The following MGAT4C variants were observed in gnomAD, a reference collection of about 807,000 sequenced individuals.
MGAT4C encodes the protein MGAT4 family member C, also known as alpha-1,3-mannosyl-glycoprotein 4-beta-N-acetylglucosaminyltransferase C.
In MGAT4C, 19 loss-of-function variants were observed where a neutral mutation model predicts 40.1. That is an observed-to-expected ratio of 0.47 (90% CI 0.33 to 0.70). The LOEUF is 0.70. Ranked by LOEUF, MGAT4C falls within the 30% of genes least tolerant of loss-of-function variation. The probability of loss-of-function intolerance (pLI) is 0.02; values close to 1 mark genes in which losing one functional copy is unlikely to be tolerated. For missense variants in MGAT4C, 491 were observed against 563.2 expected (o/e 0.87, Z 1.30); for synonymous variants, 181 against 187.1 (o/e 0.97, Z 0.27).
At chr12:86,256,593 C>G (rs1198179983), upstream of MGAT4C, among the ~76,000 whole-genome samples, 1 of 152,048 alleles carries the variant, frequency 6.6e-6, no homozygotes, top group African/African-American at 2.4e-5. Flanking sequence ...TGGGGGATCA[C>G]AAACTGAAAA....
intron 2 of MGAT4C, among the ~76,000 whole-genome samples, chr12:86,494,387 T>C (rs1396996443): frequency 2.0e-5 from 3 of 152,006 alleles, no homozygotes; most frequent in African/African-American, 4.8e-5. Flanking sequence ...AATAAACTTT[T>C]AGATTTTGTT....
intron 1 of MGAT4C, among the ~76,000 whole-genome samples, chr12:86,127,556 TA>T (rs1025674282): frequency 2.6e-5 from 4 of 152,212 alleles, no homozygotes; most frequent in Non-Finnish European, 5.9e-5. Context: ...ACTTATCTTA[TA>T]AACATTTTAA....
Position 86,801,910 on chromosome 12 carries a change from T to C in MGAT4C, c.-262+36756A>G, listed in dbSNP as rs1446422758. On this transcript the variant is annotated intron_variant, in intron 1 of 7. Transcript: ENST00000548651. Reference sequence around the variant, plus strand: ...AATGGAGTGGCAGATTTTAGTGATTTGCCATGGGAATTTTTTTAAACCTTA... The same window carrying C: ...AATGGAGTGGCAGATTTTAGTGATTCGCCATGGGAATTTTTTTAAACCTTA... Among the ~76,000 whole-genome samples the C allele has an allele frequency of 4.7e-5, 7 of 150,346 alleles. No homozygotes were observed. The Admixed American group carries it at 4.7e-4, about 10-fold the overall frequency.
intron 1 of MGAT4C, among the ~76,000 whole-genome samples, chr12:86,094,365 G>A (rs1873488255): frequency 6.6e-6 from 1 of 152,092 alleles, no homozygotes; most frequent in Non-Finnish European, 1.5e-5. Flanking sequence ...TGGAAAGGAA[G>A]TTGTCATGCA....
chr12:86,138,556 GTATATATTTCCATAGATATATCATA>G (rs1882349470), intron 1 of MGAT4C, among the ~76,000 whole-genome samples: 2 of 142,318 alleles, frequency 1.4e-5, no homozygotes, highest in South Asian at 2.2e-4. Context: ...GATATATCAT[GTATATATTTCCATAGATATATCATA>G]TATATATTTC....
rs527944232 is a variant in MGAT4C at position 86,373,425 on chromosome 12, C to T, written c.-119-39298G>A. ...GAGAGTATAGCAAAGTGAAACTGTC[C>T]AGACAGAATTTATATCATCCTTACA... On this transcript the variant is annotated intron_variant, in intron 3 of 7. Transcript: ENST00000548651. Among the ~76,000 whole-genome samples the T allele has an allele frequency of 2.6e-5, 4 of 151,920 alleles. No homozygotes were observed. In the East Asian group the frequency reaches 7.7e-4, roughly 29 times the overall value.
rs77622095 is a variant in MGAT4C, at chr12:86,007,787, A to G, written c.-6-18235T>C. Among the ~76,000 whole-genome samples the G allele has an allele frequency of 8.6e-3, 1,304 of 152,180 alleles. 7 individuals are homozygous for G. The highest frequency in any genetic ancestry group is 0.012 in the Non-Finnish European group (817 of 67,930). ...GTATTGCTTTTGTGTATTCTAACAA[A>G]CCATTGCCTAATTAGTATCATGGAA... On this transcript the variant is annotated intron_variant, in intron 2 of 4. Transcript: ENST00000611864.
rs983054698 is a variant in MGAT4C at position 85,958,557 on chromosome 12, T to C, written c.*20732A>G. ...ATAAATACATGTGAGGAAACAATTA[T>C]TGATATTTTTAAACTAACTAGAAAG... On this transcript the variant is annotated 3_prime_UTR_variant, in exon 5 of 5. Coordinates refer to ENST00000611864, the MANE Select transcript of MGAT4C (RefSeq NM_001351288.2). 13 of 152,254 alleles carry C rather than the reference T, an allele frequency of 8.5e-5. No individual in the cohort carries two copies. The East Asian group carries it at 2.3e-3, about 27-fold the overall frequency. 9.4% of individuals were successfully genotyped at this position (152,254 alleles called of 1,614,324 possible).
At chr12:86,453,660 C>T (rs1957462970) in intron 2 of MGAT4C, among the ~76,000 whole-genome samples, 1 of 152,090 alleles carries the variant, frequency 6.6e-6, no homozygotes, top group South Asian at 2.1e-4. Context: ...TTCATGTTTG[C>T]CTCTTGTTGA....
intron 2 of MGAT4C, among the ~76,000 whole-genome samples, chr12:86,594,751 G>A (rs1334262744): frequency 6.6e-6 from 1 of 152,154 alleles, no homozygotes; most frequent in East Asian, 1.9e-4. Flanking sequence ...TATGTGACCT[G>A]ACAGCATTTA....
At chr12:86,379,214 A>G (rs1300159161) in intron 3 of MGAT4C, among the ~76,000 whole-genome samples, 1 of 152,110 alleles carries the variant, frequency 6.6e-6, no homozygotes, top group Non-Finnish European at 1.5e-5. Context: ...GTTTAGAACA[A>G]TGCCTAGTTG....
At chr12:86,113,894 A>G (rs1338301292) in intron 1 of MGAT4C, among the ~76,000 whole-genome samples, 2 of 152,092 alleles carry the variant, frequency 1.3e-5, no homozygotes, top group East Asian at 1.9e-4. Flanking sequence ...GAAAAGTCTC[A>G]AAAGACCTAT....
intron 2 of MGAT4C, among the ~76,000 whole-genome samples, chr12:86,456,679 T>TTTTAGC (rs371973094): frequency 6.6e-6 from 1 of 152,138 alleles, no homozygotes; most frequent in African/African-American, 2.4e-5. Flanking sequence ...GCTACTTCTC[T>TTTTAGC]TTAACCCTTT....
chr12:86,322,296 C>A (rs1412986701), intron 4 of MGAT4C, among the ~76,000 whole-genome samples: 1 of 151,182 alleles, frequency 6.6e-6, no homozygotes, highest in African/African-American at 2.4e-5. Context: ...GGGGTGCAGC[C>A]CACCAACATG....
chr12:86,748,135 G>A (rs1951181130), intron 1 of MGAT4C, among the ~76,000 whole-genome samples: 2 of 151,500 alleles, frequency 1.3e-5, no homozygotes, highest in South Asian at 4.2e-4. Flanking sequence ...GCCATGTGTA[G>A]CTCAAAGAAA....
In MGAT4C at chr12:86,304,332, A is replaced by G. The variant is rs1273508202; in HGVS notation, c.-57+29733T>C. ...TGATTTTGTGAAACAAGTTGTTGTT[A>G]TTTTTGGCATTTTTGTGAAAGAGCT... On this transcript the variant is annotated intron_variant, in intron 4 of 7. Coordinates refer to the MGAT4C transcript ENST00000548651. Among the ~76,000 whole-genome samples, 2 of 150,454 alleles carry G rather than the reference A, an allele frequency of 1.3e-5. 1 individual carries two copies. Among genetic ancestry groups the G allele is most frequent in the African/African-American group, 5.0e-5 (2 of 39,936 alleles).
rs534743456 is a variant in MGAT4C at position 86,473,799 on chromosome 12, T to C, written c.-228-38534A>G. Among the ~76,000 whole-genome samples, 12 of 152,316 alleles carry C rather than the reference T, an allele frequency of 7.9e-5. 1 individual carries two copies. In the South Asian group the frequency reaches 8.3e-4, roughly 11 times the overall value. ...TTTTTGCTTTAATGAATAAAGTCCA[T>C]CTTTAATAAGTAATTGCAAGTGGGA... On this transcript the variant is annotated intron_variant, in intron 2 of 7. Transcript: ENST00000548651.
chr12:86,144,792 C>T (rs865722), intron 1 of MGAT4C, among the ~76,000 whole-genome samples: 110,950 of 152,064 alleles, frequency 0.73, 40,730 homozygotes, highest in East Asian at 0.96. Context: ...CAAGAAGAAT[C>T]TTAAAAAATA....
At chr12:86,270,148 C>T (rs1952906165) in intron 4 of MGAT4C, among the ~76,000 whole-genome samples, 1 of 152,088 alleles carries the variant, frequency 6.6e-6, no homozygotes, top group African/African-American at 2.4e-5. Flanking sequence ...CTCACTGCAA[C>T]ATCTGCCCCC....
Sources: gnomAD v4.1 joint callset for allele counts (sites outside exome capture counted in the v4.1 genomes callset) on GRCh38, gnomAD v4.1.1 for gene constraint, MANE v1.5 for transcripts, NCBI Gene and HGNC (gene_info 2026-07-23, HGNC 2026-07-21) for gene names.